FOXP2: variants seen among roughly 807,000 people sequenced by gnomAD.
FOXP2 encodes forkhead box protein P2.
A neutral mutation model predicts 115.8 loss-of-function variants in FOXP2; 12 were observed. The ratio of observed to expected loss-of-function variants is 0.10; its 90% confidence interval spans 0.07 to 0.17. FOXP2 has a LOEUF of 0.17. FOXP2 is among the 10% of genes least tolerant of loss of function. The pLI is 1.00. For synonymous variants in FOXP2, 328 were observed against 297.7 expected (o/e 1.10, Z -1.05); for missense variants, 629 against 843.5 (o/e 0.75, Z 3.15).
rs766965457 is a variant in FOXP2 at position 114,631,643 on chromosome 7, G to A, written c.713G>A (p.Arg238His). 13 of 1,614,068 alleles carry A rather than the reference G, an allele frequency of 8.1e-6. No individual in the cohort carries two copies. Among genetic ancestry groups the A allele is most frequent in the Middle Eastern group, 3.3e-4 (2 of 6,062 alleles). Reference sequence around the variant, plus strand: ...CAGCAGCATCTGCTCAGCCTTCAGCGTCAGGGACTCATCTCCATTCCACCT... The same window carrying A: ...CAGCAGCATCTGCTCAGCCTTCAGCATCAGGGACTCATCTCCATTCCACCT... ...QQQQHLLSLQ[R>H]QGLISIPPGQ... The change falls in exon 6 of 17, where the codon CGT becomes CAT. Residue 238 changes from arginine to histidine, a missense_variant. Coordinates refer to ENST00000350908, the MANE Select transcript of FOXP2 (RefSeq NM_014491.4).
chr7:114,144,311 A>G (rs886743240), intron 1 of FOXP2, among the ~76,000 whole-genome samples: 1 of 152,188 alleles, frequency 6.6e-6, no homozygotes, highest in African/African-American at 2.4e-5. Context: ...ATATTTACAA[A>G]TTAAACTATA....
chr7:114,222,154 G>C (rs961847712), intron 1 of FOXP2, among the ~76,000 whole-genome samples: 1 of 152,100 alleles, frequency 6.6e-6, no homozygotes, highest in South Asian at 2.1e-4. Context: ...GATACTTTAT[G>C]TTCCTTTTTA....
chr7:114,401,249 G>A (rs1390254429), intron 2 of FOXP2, among the ~76,000 whole-genome samples: 1 of 151,952 alleles, frequency 6.6e-6, no homozygotes, highest in African/African-American at 2.4e-5. Flanking sequence ...CCAATAATAT[G>A]GATAAATATT....
intron 3 of FOXP2, among the ~76,000 whole-genome samples, chr7:114,601,477 A>G (rs2129313765): frequency 6.6e-6 from 1 of 152,108 alleles, no homozygotes; most frequent in Middle Eastern, 3.4e-3. Context: ...AAGTTTTTAA[A>G]TTTCATTAAT....
At chr7:114,447,767 C>G (rs1289260836) in intron 2 of FOXP2, among the ~76,000 whole-genome samples, 2 of 152,088 alleles carry the variant, frequency 1.3e-5, no homozygotes, top group African/African-American at 4.8e-5. Context: ...TGGGTAGATT[C>G]CTTTTATAAC....
In FOXP2 at chr7:114,200,292, TGTAA is replaced by T. The variant is rs1248677074; in HGVS notation, c.-102+37209_-102+37212del. On this transcript the variant is annotated intron_variant, in intron 1 of 17. Coordinates refer to the FOXP2 transcript ENST00000634411. The stretch of plus-strand genomic sequence containing the variant: ...ATAACCAGAAGAATCCAGATCAAGC[TGTAA>T]GTAATTCTTTCCAATCTTTTTTTTG... Among the ~76,000 whole-genome samples, 3 of 152,328 alleles carry T rather than the reference TGTAA, an allele frequency of 2.0e-5. No individual in the cohort carries two copies. The East Asian group carries it at 5.8e-4, about 29-fold the overall frequency.
intron 3 of FOXP2, among the ~76,000 whole-genome samples, chr7:114,541,887 T>G (rs1415099571): frequency 6.6e-6 from 1 of 151,800 alleles, no homozygotes; most frequent in Non-Finnish European, 1.5e-5. Flanking sequence ...AACATTAATA[T>G]TGTTATGGGA....
intron 1 of FOXP2, among the ~76,000 whole-genome samples, chr7:114,262,401 G>A (rs1795778428): frequency 2.0e-5 from 3 of 152,218 alleles, no homozygotes; most frequent in Admixed American, 2.0e-4. Flanking sequence ...TCCAGCCTAG[G>A]TGACAGTACT....
At chr7:114,115,622 C>T (rs1446572984) in intron 1 of FOXP2, among the ~76,000 whole-genome samples, 1 of 152,074 alleles carries the variant, frequency 6.6e-6, no homozygotes, top group Non-Finnish European at 1.5e-5. Context: ...CTCTACTCAA[C>T]CCTCTCATCT....
At chr7:114,433,480 T>C (rs1794203954) in intron 2 of FOXP2, among the ~76,000 whole-genome samples, 1 of 152,008 alleles carries the variant, frequency 6.6e-6, no homozygotes, top group Admixed American at 6.6e-5. Context: ...CTCAGAAATA[T>C]TGTTAATATT....
At chr7:114,103,312 C>G (rs1417580013) in intron 1 of FOXP2, among the ~76,000 whole-genome samples, 1 of 152,040 alleles carries the variant, frequency 6.6e-6, no homozygotes, top group Non-Finnish European at 1.5e-5. Context: ...CTGATTACAC[C>G]AGGGCTCTCA....
chr7:114,300,073 A>G (rs1796843023), intron 2 of FOXP2, among the ~76,000 whole-genome samples: 1 of 151,550 alleles, frequency 6.6e-6, no homozygotes, highest in Non-Finnish European at 1.5e-5. Context: ...CACACACACA[A>G]CTTTACTTTT....
chr7:114,272,528 A>G (rs1213927601), intron 1 of FOXP2, among the ~76,000 whole-genome samples: 1 of 151,746 alleles, frequency 6.6e-6, no homozygotes, highest in Non-Finnish European at 1.5e-5. Context: ...CTATTTTGGG[A>G]GGTAATTAAT....
At chr7:114,198,253 C>G (rs1231761136) in intron 1 of FOXP2, among the ~76,000 whole-genome samples, 1 of 152,144 alleles carries the variant, frequency 6.6e-6, no homozygotes, top group Non-Finnish European at 1.5e-5. Flanking sequence ...CATTCAAACA[C>G]TCTACTGATT....
chr7:114,666,933 G>C (rs1018028818), intron 16 of FOXP2: 1 of 152,178 alleles, frequency 6.6e-6, no homozygotes, highest in African/African-American at 2.4e-5. Flanking sequence ...TCATAGTGCT[G>C]TGTAAATAGG....
chr7:114,392,865 C>T (rs1020255882), intron 2 of FOXP2, among the ~76,000 whole-genome samples: 5 of 152,152 alleles, frequency 3.3e-5, no homozygotes, highest in Non-Finnish European at 1.5e-5. Context: ...GGCCTCATTC[C>T]ATGCCCATTT....
intron 1 of FOXP2, among the ~76,000 whole-genome samples, chr7:114,240,507 G>A (rs1224735830): frequency 2.0e-5 from 3 of 151,744 alleles, no homozygotes; most frequent in Non-Finnish European, 4.4e-5. Flanking sequence ...TTTGTTATAT[G>A]TTTTTTGTTT....
At chr7:114,635,336 GCAA>G (rs1160867472) in intron 6 of FOXP2, among the ~76,000 whole-genome samples, 2 of 152,058 alleles carry the variant, frequency 1.3e-5, no homozygotes, top group African/African-American at 2.4e-5. Flanking sequence ...TGTAATTGTA[GCAA>G]CAACACTACC....
chr7:114,396,419 A>G (rs998100919), intron 2 of FOXP2, among the ~76,000 whole-genome samples: 2 of 152,054 alleles, frequency 1.3e-5, no homozygotes, highest in East Asian at 1.9e-4. Flanking sequence ...GGTTGATTCT[A>G]TGTCTTGGCT....
Sources: allele counts gnomAD v4.1 joint callset (sites outside exome capture counted in the v4.1 genomes callset), GRCh38; gene constraint gnomAD v4.1.1; transcripts MANE v1.5; gene names NCBI Gene and HGNC (gene_info 2026-07-23, HGNC 2026-07-21).